Variants in MEGF11 observed in about 807,000 individuals in gnomAD.
MEGF11 encodes multiple EGF like domains 11, also known as multiple epidermal growth factor-like domains protein 11.
A neutral mutation model predicts 146.6 loss-of-function variants in MEGF11; 126 were observed. That is an observed-to-expected ratio of 0.86 (90% CI 0.74 to 1.00). MEGF11 has a LOEUF of 1.00. MEGF11 is among the 50% of genes least tolerant of loss of function. The pLI is 0.00. For synonymous variants in MEGF11, 532 were observed against 583.4 expected, an observed-to-expected ratio of 0.91 and a Z score of 1.27; for missense variants, 1,509 against 1,521.2, an observed-to-expected ratio of 0.99 and a Z score of 0.13.
intron 1 of MEGF11, among the ~76,000 whole-genome samples, chr15:66,162,106 C>T (rs920671078): frequency 1.3e-5 from 2 of 152,078 alleles, no homozygotes; most frequent in Non-Finnish European, 2.9e-5. Context: ...GTGAACCATG[C>T]GTGATAAGTG....
intron 5 of MEGF11, among the ~76,000 whole-genome samples, chr15:66,030,018 A>G (rs2083460615): frequency 6.6e-6 from 1 of 152,202 alleles, no homozygotes; most frequent in Non-Finnish European, 1.5e-5. Context: ...ACTTTCTCCA[A>G]CCAATGTTAT....
intron 5 of MEGF11, among the ~76,000 whole-genome samples, chr15:65,983,737 G>T (rs755802531): frequency 6.6e-6 from 1 of 152,164 alleles, no homozygotes; most frequent in Non-Finnish European, 1.5e-5. Flanking sequence ...ATTATCTGTT[G>T]CTGTTTGTGC....
chr15:66,160,666 C>CACA (rs1425707617), intron 1 of MEGF11, among the ~76,000 whole-genome samples: 1 of 138,814 alleles, frequency 7.2e-6, no homozygotes, highest in Non-Finnish European at 1.6e-5. Context: ...CCTAAGGGGA[C>CACA]ACACACACAC....
intron 1 of MEGF11, among the ~76,000 whole-genome samples, chr15:66,244,799 CT>C (rs1471196638): frequency 2.6e-5 from 4 of 152,148 alleles, no homozygotes; most frequent in Non-Finnish European, 4.4e-5. Context: ...TAACTGATTT[CT>C]CAGGTAAATA....
intron 5 of MEGF11, among the ~76,000 whole-genome samples, chr15:66,002,919 G>A (rs2082407371): frequency 6.6e-6 from 1 of 151,888 alleles, no homozygotes; most frequent in Non-Finnish European, 1.5e-5. Flanking sequence ...TTTTTTCAAG[G>A]TCACAGGATG....
intron 1 of MEGF11, among the ~76,000 whole-genome samples, chr15:66,133,804 T>G (rs973614094): frequency 5.9e-5 from 9 of 152,174 alleles, no homozygotes; most frequent in Non-Finnish European, 1.3e-4. Context: ...AAAAAAGTTT[T>G]AAAAATAAAT....
rs1491353062 is a variant in MEGF11 at position 65,986,792 on chromosome 15, C to CTTTTTTTTTTTTTT, written c.395-4305_395-4304insAAAAAAAAAAAAAA. On this transcript the variant is annotated intron_variant, in intron 5 of 25. Transcript: ENST00000395614. Reference sequence around the variant, plus strand: ...TTATATTGGGCTTTGGCTGATTTTTCCTTTTTTTTTTTTTTTTTTTTTGAG... The same window carrying CTTTTTTTTTTTTTT: ...TTATATTGGGCTTTGGCTGATTTTTCTTTTTTTTTTTTTTCTTTTTTTTTTTTTTTTTTTTTGAG... 3.0e-5 allele frequency among the ~76,000 whole-genome samples: 4 copies of CTTTTTTTTTTTTTT among 134,024 alleles called. 1 individual carries two copies. The highest frequency in any genetic ancestry group is 1.1e-4 in the African/African-American group (4 of 36,930). 87.9% of individuals were successfully genotyped at this position (134,024 alleles called of 152,430 possible).
At chr15:66,143,250 A>G (rs2089236149) in intron 1 of MEGF11, among the ~76,000 whole-genome samples, 1 of 152,220 alleles carries the variant, frequency 6.6e-6, no homozygotes, top group Non-Finnish European at 1.5e-5. Flanking sequence ...ATCATAGCAG[A>G]GCTAACCCCA....
chr15:65,982,570 C>T lies in MEGF11; in HGVS notation c.395-82G>A. ...GGGCCAGGAACCGATGCCCATGCGG[C>T]CTTCCCATCTTTGCAGCGCTGCTCC... On this transcript the variant is annotated intron_variant, in intron 5 of 25. Coordinates refer to ENST00000395614, the MANE Select transcript of MEGF11 (RefSeq NM_001385028.1). This position sits in a 1 kb window ranked among gnomAD's most constrained non-coding sequence, Gnocchi z 5.6. The T allele has an allele frequency of 7.2e-7, 1 of 1,393,240 alleles. No individual in the cohort carries two copies. The highest frequency in any genetic ancestry group is 9.3e-7 in the Non-Finnish European group (1 of 1,073,428). The allele number at this position is 1,393,240 out of a possible 1,614,324, so 86.3% of individuals were successfully genotyped here.
chr15:66,025,211 G>A (rs2083286739), intron 5 of MEGF11, among the ~76,000 whole-genome samples: 1 of 152,242 alleles, frequency 6.6e-6, no homozygotes, highest in African/African-American at 2.4e-5. Context: ...GTGCCCAAGA[G>A]AAGGGGAAAA....
intron 5 of MEGF11, among the ~76,000 whole-genome samples, chr15:66,000,093 T>C (rs2082318210): frequency 6.6e-6 from 1 of 152,216 alleles, no homozygotes; most frequent in African/African-American, 2.4e-5. Context: ...AGGGCATTTA[T>C]CCATCAGCCT....
chr15:65,989,289 G>A (rs142235536), intron 5 of MEGF11, among the ~76,000 whole-genome samples: 1,948 of 152,270 alleles, frequency 0.013, 19 homozygotes, highest in Middle Eastern at 0.027. Flanking sequence ...TGAATTGAAG[G>A]TCAAGGGATG....
chr15:66,161,812 G>A (rs2089961431), intron 1 of MEGF11, among the ~76,000 whole-genome samples: 1 of 152,150 alleles, frequency 6.6e-6, no homozygotes, highest in Non-Finnish European at 1.5e-5. Context: ...CCATGGTTCT[G>A]GGAAAACAGA....
At chr15:65,966,345 T>C (rs1259114527) in intron 8 of MEGF11, among the ~76,000 whole-genome samples, 1 of 152,206 alleles carries the variant, frequency 6.6e-6, no homozygotes, top group Non-Finnish European at 1.5e-5. Flanking sequence ...TGGTGACATG[T>C]CATAGTTTAA....
intron 1 of MEGF11, among the ~76,000 whole-genome samples, chr15:66,207,072 G>A (rs2091317641): frequency 6.6e-6 from 1 of 152,100 alleles, no homozygotes; most frequent in Non-Finnish European, 1.5e-5. Context: ...ACGCCATGAA[G>A]CATGTCAATA....
At chr15:66,050,081 A>G (rs1172824685) in intron 5 of MEGF11, among the ~76,000 whole-genome samples, 1 of 152,174 alleles carries the variant, frequency 6.6e-6, no homozygotes, top group Non-Finnish European at 1.5e-5. Flanking sequence ...TATAATTGAG[A>G]CAGGGTCTCA....
chr15:65,953,301 G>C (rs1162373858), intron 10 of MEGF11, among the ~76,000 whole-genome samples: 2 of 152,232 alleles, frequency 1.3e-5, no homozygotes, highest in African/African-American at 4.8e-5. Flanking sequence ...GGCAGGATAA[G>C]TGGCTTGCCA....
intron 4 of MEGF11, among the ~76,000 whole-genome samples, chr15:66,103,500 C>T (rs114178895): frequency 5.3e-4 from 80 of 152,036 alleles, no homozygotes; most frequent in African/African-American, 1.8e-3. Flanking sequence ...TGAGGCCTAG[C>T]GTATAGTTTG....
intron 4 of MEGF11, among the ~76,000 whole-genome samples, chr15:66,116,286 T>C (rs1401868266): frequency 6.6e-6 from 1 of 152,102 alleles, no homozygotes; most frequent in East Asian, 1.9e-4. Flanking sequence ...TGAGTGTTAG[T>C]CCCGCCTTCC....
Sources: gnomAD v4.1 joint callset for allele counts (sites outside exome capture counted in the v4.1 genomes callset) on GRCh38, gnomAD v4.1.1 for gene constraint, Gnocchi (gnomAD v3.1) non-coding constraint, MANE v1.5 for transcripts, NCBI Gene and HGNC (gene_info 2026-07-23, HGNC 2026-07-21) for gene names.